Variants in FSD2 observed in about 807,000 individuals in gnomAD.
The protein encoded by FSD2 is fibronectin type III and SPRY domain containing 2.
FSD2 carries 71 observed loss-of-function variants against 80.4 expected under a neutral mutation model. That is an observed-to-expected ratio of 0.88 (90% confidence interval 0.73 to 1.08). The LOEUF (loss-of-function observed/expected upper bound fraction) is 1.08, where lower values mean the gene tolerates loss of function less well. Ranked by LOEUF, FSD2 falls within the 50% of genes least tolerant of loss-of-function variation. The probability of loss-of-function intolerance (pLI) is 0.00; values close to 1 mark genes in which losing one functional copy is unlikely to be tolerated. For missense variants in FSD2, 923 were observed against 913.8 expected (o/e 1.01, Z -0.13); for synonymous variants, 361 against 329.5 (o/e 1.10, Z -1.03).
chr15:82,764,636 C>T (rs1490729156), intron 11 of FSD2, among the ~76,000 whole-genome samples: 2 of 151,508 alleles, frequency 1.3e-5, no homozygotes, highest in Non-Finnish European at 2.9e-5. Flanking sequence ...CCGCAACAGG[C>T]CCGGCTAATT....
At chr15:82,785,679 C>T (rs186202195) in intron 3 of FSD2, among the ~76,000 whole-genome samples, 6 of 152,096 alleles carry the variant, frequency 3.9e-5, no homozygotes, top group Admixed American at 6.5e-5. Context: ...GTTTGAGTAG[C>T]GATCATTGGC....
chr15:82,788,936 G>T (rs1403283299), intron 1 of FSD2, among the ~76,000 whole-genome samples: 2 of 150,586 alleles, frequency 1.3e-5, no homozygotes, highest in Non-Finnish European at 3.0e-5. Context: ...CCATGATTGC[G>T]CCAGTGTACT....
chr15:82,795,790 C>T (rs1217396692), intron 1 of FSD2, among the ~76,000 whole-genome samples: 1 of 151,578 alleles, frequency 6.6e-6, no homozygotes, highest in South Asian at 2.1e-4. Flanking sequence ...TGAGATTGCA[C>T]TCCTTCACCT....
chr15:82,801,467 G>A (rs1193111830), intron 1 of FSD2, among the ~76,000 whole-genome samples: 2 of 152,174 alleles, frequency 1.3e-5, no homozygotes, highest in Non-Finnish European at 2.9e-5. Flanking sequence ...ATGTGGAAGT[G>A]TGACTACCTG....
chr15:82,805,100 A>T, intron 1 of FSD2, among the ~76,000 whole-genome samples: 1 of 150,616 alleles, frequency 6.6e-6, no homozygotes, highest in East Asian at 1.9e-4. Flanking sequence ...CTTATATGGG[A>T]GGTGTATCCC....
At chr15:82,761,298 AC>A (rs1311303518) in intron 12 of FSD2, among the ~76,000 whole-genome samples, 2 of 152,178 alleles carry the variant, frequency 1.3e-5, no homozygotes, top group African/African-American at 2.4e-5. Context: ...GAAGGTTGTA[AC>A]CATGGCCTTC....
rs746524168 is a variant in FSD2, at chr15:82,766,011, G to T, written c.1574C>A (p.Thr525Asn). The T allele has an allele frequency of 6.3e-7, 1 of 1,588,072 alleles. No homozygotes were observed. Residue 525 changes from threonine to asparagine, a missense_variant, in exon 10 of 13, where the codon ACC becomes AAC. Physicochemically the swap from Thr to Asn is moderately conservative, Grantham distance 65. Coordinates refer to ENST00000334574, the MANE Select transcript of FSD2 (RefSeq NM_001007122.4). Reference sequence around the variant, plus strand: ...CTGCAGCTGCACCACGGACTCGCAGGTCGGGATGCCCACAACAGACCTGTA... The same window carrying T: ...CTGCAGCTGCACCACGGACTCGCAGTTCGGGATGCCCACAACAGACCTGTA... ...GVTESVVGIP[T>N]CESVVQLQPG...
At position 82,759,374 on chromosome 15, in the gene FSD2, T is replaced by G; in HGVS notation, c.2224A>C (p.Met742Leu). ...TAATAGAAAGTGACATGTTTTGGCA[T>G]TGAAATGCCATTATGTACCTTTAGA... ...GCLKVHNGISMPKHVTFY is the reference protein window; with the variant it reads ...GCLKVHNGISLPKHVTFY Residue 742 changes from methionine to leucine, a missense_variant, in exon 13 of 13, where the codon ATG (methionine) becomes CTG (leucine). Met to Leu is a conservative substitution (Grantham distance 15, BLOSUM62 2). Transcript: ENST00000334574. The G allele has an allele frequency of 6.2e-7, 1 of 1,613,426 alleles. No individual in the cohort carries two copies. The highest frequency in any genetic ancestry group is 8.5e-7 in the Non-Finnish European group (1 of 1,179,694).
intron 6 of FSD2, 69 bp downstream of exon 6, chr15:82,778,697 C>T: frequency 4.7e-6 from 7 of 1,501,262 alleles, no homozygotes; most frequent in Non-Finnish European, 6.2e-6. Flanking sequence ...GCTAAGTGTT[C>T]TCATCACAAG....
At chr15:82,785,323 AT>A (rs150354712) in intron 3 of FSD2, among the ~76,000 whole-genome samples, 19,667 of 151,328 alleles carry the variant, frequency 0.13, 1,401 homozygotes, top group Non-Finnish European at 0.14. Context: ...TTATTTATTT[AT>A]TTATTTATTT....
At chr15:82,760,750 C>A (rs2049277198) in intron 12 of FSD2, among the ~76,000 whole-genome samples, 1 of 151,938 alleles carries the variant, frequency 6.6e-6, no homozygotes, top group Non-Finnish European at 1.5e-5. Flanking sequence ...CACACACACA[C>A]ACACACACAC....
Position 82,786,553 on chromosome 15 carries a change from T to G in FSD2, c.693A>C (p.Glu231Asp), listed in dbSNP as rs1391039344. The G allele has an allele frequency of 6.2e-7, 1 of 1,613,600 alleles. No individual in the cohort carries two copies. Among genetic ancestry groups the G allele is most frequent in the South Asian group, 1.1e-5 (1 of 91,020 alleles). ...YKLEKQIIEM[E>D]NFANHLEEVF... The stretch of plus-strand genomic sequence containing the variant: ...CCTCCTCCAAATGATTTGCAAAGTT[T>G]TCCATCTCAATTATCTGCTTTTCCA... Residue 231 changes from glutamate to aspartate, a missense_variant, in exon 3 of 13, where the codon GAA (glutamate) becomes GAC (aspartate). Coordinates refer to ENST00000334574, the MANE Select transcript of FSD2 (RefSeq NM_001007122.4).
At chr15:82,798,875 TTTG>T (rs1476091096) in intron 1 of FSD2, among the ~76,000 whole-genome samples, 3 of 145,042 alleles carry the variant, frequency 2.1e-5, no homozygotes, top group African/African-American at 2.6e-5. Context: ...TCTCCACTGT[TTTG>T]TTTTTTTTTT....
intron 11 of FSD2, among the ~76,000 whole-genome samples, chr15:82,764,730 G>A (rs1008482976): frequency 1.3e-5 from 2 of 151,702 alleles, no homozygotes; most frequent in Non-Finnish European, 1.5e-5. Context: ...TGCCTGCCTC[G>A]GCTTCCCAAA....
intron 5 of FSD2, among the ~76,000 whole-genome samples, chr15:82,779,697 C>G (rs933824753): frequency 2.0e-5 from 3 of 151,534 alleles, no homozygotes; most frequent in Non-Finnish European, 2.9e-5. Context: ...GAAACCAGTT[C>G]CATCTTTGCC....
chr15:82,797,285 G>A (rs1244321672), intron 1 of FSD2, among the ~76,000 whole-genome samples: 3 of 152,208 alleles, frequency 2.0e-5, no homozygotes, highest in Non-Finnish European at 4.4e-5. Context: ...GTTCAAAAAT[G>A]TGAGTGACAT....
At chr15:82,773,606 T>C (rs2049640553) in intron 6 of FSD2, among the ~76,000 whole-genome samples, 1 of 152,176 alleles carries the variant, frequency 6.6e-6, no homozygotes, top group African/African-American at 2.4e-5. Flanking sequence ...TAATGATCAT[T>C]TGGGCAGCAC....
chr15:82,786,936 T>C lies in FSD2; in HGVS notation c.455A>G (p.Tyr152Cys). ...CTCCTCGCTGGCACGGCCGTGTGTGTACCTATAGGCTTCCCGCAAGTCCTG... is the reference window on the plus strand; with the variant it reads ...CTCCTCGCTGGCACGGCCGTGTGTGCACCTATAGGCTTCCCGCAAGTCCTG... Reference protein sequence around the residue: ...QCQDLREAYRYTHGRASEEYE... With the variant: ...QCQDLREAYRCTHGRASEEYE... The change falls in exon 2 of 13, where the codon TAC (tyrosine) becomes TGC (cysteine). Residue 152 changes from tyrosine to cysteine, a missense_variant. Coordinates refer to ENST00000334574, the MANE Select transcript of FSD2 (RefSeq NM_001007122.4). The C allele has an allele frequency of 6.2e-7, 1 of 1,614,018 alleles. No individual in the cohort carries two copies. The highest frequency in any genetic ancestry group is 8.5e-7 in the Non-Finnish European group (1 of 1,179,884).
chr15:82,789,601 G>C (rs112183877), intron 1 of FSD2, among the ~76,000 whole-genome samples: 165 of 152,200 alleles, frequency 1.1e-3, no homozygotes, highest in African/African-American at 3.7e-3. Context: ...AGCCTTAATC[G>C]GTGTGGCAGC....
Sources: gnomAD v4.1 joint callset for allele counts (sites outside exome capture counted in the v4.1 genomes callset) on GRCh38, gnomAD v4.1.1 for gene constraint, MANE v1.5 for transcripts, NCBI Gene and HGNC (gene_info 2026-07-23, HGNC 2026-07-21) for gene names.